Variants in TSKU observed in about 807,000 individuals in gnomAD.
TSKU encodes the protein tsukushi, small leucine rich proteoglycan.
Under a neutral mutation model 11.2 loss-of-function variants are expected in TSKU, and 4 were observed. The ratio of observed to expected loss-of-function variants is 0.36; its 90% confidence interval spans 0.18 to 0.82. The LOEUF (loss-of-function observed/expected upper bound fraction) is 0.82, where lower values mean the gene tolerates loss of function less well. TSKU is among the 40% of genes least tolerant of loss of function. TSKU has a pLI of 0.50. For synonymous variants in TSKU, 220 were observed against 232.2 expected (o/e 0.95, Z 0.48); for missense variants, 407 against 482.5 (o/e 0.84, Z 1.47).
upstream of TSKU, chr11:76,782,333 C>T (rs1030614882): frequency 6.6e-6 from 1 of 151,794 alleles, no homozygotes; most frequent in African/African-American, 2.4e-5. Flanking sequence ...ATTTCTGCAC[C>T]CCGAGGCCCT....
chr11:76,788,701 G>A (rs1438367096), intron 1 of TSKU, among the ~76,000 whole-genome samples: 1 of 152,182 alleles, frequency 6.6e-6, no homozygotes, highest in African/African-American at 2.4e-5. Context: ...CTTACCCAAG[G>A]CTGGTAGGTA....
In TSKU at chr11:76,796,498, G is replaced by A. The variant is rs375830082; in HGVS notation, c.882G>A (p.Leu294=). The change falls in exon 2 of 2, where the codon CTG becomes CTA. Residue 294 remains leucine (L), a synonymous_variant. Coordinates refer to ENST00000333090, the MANE Select transcript of TSKU (RefSeq NM_015516.4). This position sits in a 1 kb window ranked among gnomAD's most constrained non-coding sequence, Gnocchi z 4.1. ...TTTCGGGCACCAACCTGGTGCCCCT[G>A]CCTGAGGCGCTGCTCCTCCACCTCC... ...LDLSGTNLVP[L]PEALLLHLPA... The A allele has an allele frequency of 1.9e-6, 3 of 1,612,472 alleles. No homozygotes were observed. The highest frequency in any genetic ancestry group is 1.1e-5 in the South Asian group (1 of 91,054).
rs1452710072 is a variant in TSKU at position 76,796,657 on chromosome 11, CA to C, written c.1042del (p.Arg348GlyfsTer28). 5.5e-6 allele frequency: 8 copies of C among 1,449,860 alleles called. No individual in the cohort carries two copies. Among genetic ancestry groups the C allele is most frequent in the Non-Finnish European group, 7.3e-6 (8 of 1,097,550 alleles). 89.8% of individuals were successfully genotyped at this position (1,449,860 alleles called of 1,614,324 possible). A position where few individuals can be genotyped will look rare whatever the true frequency, so the allele number is the denominator to read the frequency against. ...GCGTAGACACCCGGGATTCTGCTGC[CA>C]GGGGCCCCACCATCTTGTGACAAAT... ...HCVDTRDSAA[R>X]GPTIL is the part of the protein sequence containing the mutation. On this transcript the variant is annotated frameshift_variant, in exon 2 of 2. Coordinates refer to ENST00000333090, the MANE Select transcript of TSKU (RefSeq NM_015516.4). LOFTEE classifies it high-confidence loss of function. This position sits in a 1 kb window ranked among gnomAD's most constrained non-coding sequence, Gnocchi z 4.1.
chr11:76,795,028 T>C (rs765233919), intron 1 of TSKU, among the ~76,000 whole-genome samples: 2 of 152,180 alleles, frequency 1.3e-5, no homozygotes, highest in Non-Finnish European at 2.9e-5. Flanking sequence ...TTTTCTGCCT[T>C]GGAAGGTGGT....
chr11:76,790,443 C>G (rs890740218), intron 1 of TSKU, among the ~76,000 whole-genome samples: 1 of 152,206 alleles, frequency 6.6e-6, no homozygotes, highest in Non-Finnish European at 1.5e-5. Context: ...CACGAACGAT[C>G]TCTAGCCCTT....
At chr11:76,783,276 G>A (rs1022769859), upstream of TSKU, 2 of 150,582 alleles carry the variant, frequency 1.3e-5, no homozygotes, top group African/African-American at 2.4e-5. Context: ...GCGCCCGGCA[G>A]GGGGGAGCCT....
At chr11:76,786,266 G>C (rs1944311301) in intron 1 of TSKU, among the ~76,000 whole-genome samples, 2 of 152,264 alleles carry the variant, frequency 1.3e-5, no homozygotes, top group African/African-American at 4.8e-5. Flanking sequence ...GGCCACAGAA[G>C]TGGGCCAGTA....
At chr11:76,791,116 T>C in intron 1 of TSKU, among the ~76,000 whole-genome samples, 1 of 152,192 alleles carries the variant, frequency 6.6e-6, no homozygotes, top group East Asian at 1.9e-4. Context: ...CCCTAGAGAT[T>C]TGTGGAACTT....
chr11:76,791,538 A>C (rs987907161), intron 1 of TSKU, among the ~76,000 whole-genome samples: 5 of 152,224 alleles, frequency 3.3e-5, no homozygotes, highest in African/African-American at 1.2e-4. Flanking sequence ...CACTCCAGCC[A>C]TGACTAAAAG....
intron 1 of TSKU, among the ~76,000 whole-genome samples, chr11:76,795,287 G>A (rs1590820682): frequency 6.6e-6 from 1 of 152,354 alleles, no homozygotes; most frequent in East Asian, 1.9e-4. Context: ...AGGCAGGGAT[G>A]GTGGGCAGAA....
intron 1 of TSKU, chr11:76,784,301 C>T (rs1309895316): frequency 2.0e-5 from 3 of 152,286 alleles, no homozygotes; most frequent in Non-Finnish European, 4.4e-5. Context: ...GAGACAGGCT[C>T]CGCTTTGAGA....
upstream of TSKU, chr11:76,783,039 T>A (rs1469627807): frequency 6.6e-6 from 1 of 152,520 alleles, no homozygotes; most frequent in Non-Finnish European, 1.5e-5. Context: ...AGTGCGGCCA[T>A]CTGCTTAGAT....
intron 1 of TSKU, chr11:76,791,771 T>A (rs1329892768): frequency 6.6e-6 from 1 of 152,228 alleles, no homozygotes; most frequent in Admixed American, 6.5e-5. Context: ...AGTCAAGAAT[T>A]GAGGTTTGGG....
Position 76,796,059 on chromosome 11 carries a change from T to C in TSKU, c.443T>C (p.Val148Ala), listed in dbSNP as rs201796218. ...CACAACCAGCTCCGGGAGGTCTCAG[T>C]GTCTGCCTTCACGACGCACAGTCAG... ...LSHNQLREVS[V>A]SAFTTHSQGR... The change falls in exon 2 of 2, where the codon GTG (valine) becomes GCG (alanine). Residue 148 changes from valine to alanine, a missense_variant. Transcript: ENST00000333090. This position sits in a 1 kb window ranked among gnomAD's most constrained non-coding sequence, Gnocchi z 4.1. 2 of 1,614,006 alleles carry C rather than the reference T, an allele frequency of 1.2e-6. No individual in the cohort carries two copies. The highest frequency in any genetic ancestry group is 1.7e-6 in the Non-Finnish European group (2 of 1,180,026).
intron 1 of TSKU, among the ~76,000 whole-genome samples, chr11:76,793,887 A>G (rs1944406714): frequency 1.3e-5 from 2 of 152,148 alleles, no homozygotes; most frequent in Non-Finnish European, 2.9e-5. Context: ...GCCAGAGTGC[A>G]GATCAAGTGG....
rs764211366 is a variant in TSKU, at chr11:76,796,390, CCTGGACCTGTCGGGCAACCCCAAG to C, written c.777_800del (p.Asp260_Leu267del). The stretch of plus-strand genomic sequence containing the variant: ...TCCGTGAGCTACCGGGCCTGCAGGT[CCTGGACCTGTCGGGCAACCCCAAG>C]CTTAACTGGGCAGGAGCTGAGGTGT... On this transcript the variant is annotated inframe_deletion, in exon 2 of 2. Transcript: ENST00000333090. The surrounding 1 kb of genome is among the most constrained non-coding windows in gnomAD (Gnocchi z 4.1). 17 of 1,613,468 alleles carry C rather than the reference CCTGGACCTGTCGGGCAACCCCAAG, an allele frequency of 1.1e-5. No individual in the cohort carries two copies. In the East Asian group the frequency reaches 3.6e-4, roughly 34 times the overall value.
rs905413477 is a variant in TSKU at position 76,796,096 on chromosome 11, A to G, written c.480A>G (p.Leu160=). ...AFTTHSQGRA[L]HVDLSHNLIH... ...CGACGCACAGTCAGGGCCGGGCACTACACGTGGACCTCTCCCACAACCTCA... is the reference window on the plus strand; with the variant it reads ...CGACGCACAGTCAGGGCCGGGCACTGCACGTGGACCTCTCCCACAACCTCA... The change falls in exon 2 of 2, where the codon CTA becomes CTG. Residue 160 remains leucine (L), a synonymous_variant. Coordinates refer to ENST00000333090, the MANE Select transcript of TSKU (RefSeq NM_015516.4). The surrounding 1 kb of genome is among the most constrained non-coding windows in gnomAD (Gnocchi z 4.1). 40 of 1,613,920 alleles carry G rather than the reference A, an allele frequency of 2.5e-5. No homozygotes were observed. The highest frequency in any genetic ancestry group is 3.4e-5 in the Non-Finnish European group (40 of 1,179,994).
At chr11:76,794,629 G>A (rs1482037300) in intron 1 of TSKU, among the ~76,000 whole-genome samples, 2 of 152,224 alleles carry the variant, frequency 1.3e-5, no homozygotes, top group Non-Finnish European at 2.9e-5. Context: ...CTGCCTGCCC[G>A]AGGTTAAAGG....
At chr11:76,783,496 G>T (rs1044165438) in intron 1 of TSKU, 92 bp downstream of exon 1, 4 of 152,226 alleles carry the variant, frequency 2.6e-5, no homozygotes, top group African/African-American at 9.7e-5. Flanking sequence ...TTCGGAGGGC[G>T]GGCTGGGGAC....
Sources: gnomAD v4.1 joint callset for allele counts (sites outside exome capture counted in the v4.1 genomes callset) on GRCh38, gnomAD v4.1.1 for gene constraint, Gnocchi (gnomAD v3.1) non-coding constraint, MANE v1.5 for transcripts, NCBI Gene and HGNC (gene_info 2026-07-23, HGNC 2026-07-21) for gene names.